UBE2E1: variants seen among roughly 807,000 people sequenced by gnomAD.
The protein encoded by UBE2E1 is ubiquitin-conjugating enzyme E2 E1.
In UBE2E1, 6 loss-of-function variants were observed where a neutral mutation model predicts 21.4. That is an observed-to-expected ratio of 0.28 (90% CI 0.15 to 0.55). The LOEUF is 0.55. Ranked by LOEUF, UBE2E1 falls within the 20% of genes least tolerant of loss-of-function variation. The probability of loss-of-function intolerance (pLI) is 0.93; values close to 1 mark genes in which losing one functional copy is unlikely to be tolerated. For synonymous variants in UBE2E1, 87 were observed against 82.7 expected (o/e 1.05, Z -0.28); for missense variants, 142 against 236.5 (o/e 0.60, Z 2.62).
At chr3:23,866,442 TC>T (rs1700659410) in intron 3 of UBE2E1, 1 of 152,270 alleles carries the variant, frequency 6.6e-6, no homozygotes. Flanking sequence ...GGATCTGAAT[TC>T]CTGGACTGTG....
intron 3 of UBE2E1, among the ~76,000 whole-genome samples, chr3:23,822,850 G>A (rs1227286523): frequency 1.1e-4 from 2 of 17,440 alleles, no homozygotes; most frequent in African/African-American, 2.1e-4. Context: ...CCCAACCCCC[G>A]CCACCGCCCT....
At chr3:23,851,499 G>A (rs544739830) in intron 3 of UBE2E1, among the ~76,000 whole-genome samples, 11 of 152,192 alleles carry the variant, frequency 7.2e-5, no homozygotes, top group African/African-American at 1.9e-4. Flanking sequence ...AGTTTGAGAA[G>A]TATTCCCATA....
intron 4 of UBE2E1, among the ~76,000 whole-genome samples, chr3:23,888,799 C>T (rs763959600): frequency 6.6e-6 from 1 of 152,148 alleles, no homozygotes; most frequent in African/African-American, 2.4e-5. Flanking sequence ...TGTAGTACTA[C>T]CAGCTAACAC....
chr3:23,872,443 T>C (rs541933601), intron 3 of UBE2E1, among the ~76,000 whole-genome samples: 1 of 152,244 alleles, frequency 6.6e-6, no homozygotes, highest in East Asian at 1.9e-4. Context: ...TTTTAATGTC[T>C]GGGAGTAAGA....
intron 3 of UBE2E1, among the ~76,000 whole-genome samples, chr3:23,830,033 G>C (rs1463709012): frequency 6.6e-6 from 1 of 152,134 alleles, no homozygotes; most frequent in Non-Finnish European, 1.5e-5. Flanking sequence ...TTTGGTTCTA[G>C]AATAATTTAA....
At chr3:23,865,601 G>A (rs1169585943) in intron 3 of UBE2E1, among the ~76,000 whole-genome samples, 3 of 152,202 alleles carry the variant, frequency 2.0e-5, no homozygotes, top group Non-Finnish European at 4.4e-5. Context: ...CAGTCTGCCT[G>A]CCTCGGACTT....
intron 3 of UBE2E1, among the ~76,000 whole-genome samples, chr3:23,824,630 A>G (rs1699716699): frequency 6.6e-6 from 1 of 152,232 alleles, no homozygotes; most frequent in South Asian, 2.1e-4. Context: ...GAGGATGGTA[A>G]CATTTACTCG....
intron 3 of UBE2E1, among the ~76,000 whole-genome samples, chr3:23,818,124 A>T (rs1699567676): frequency 1.3e-5 from 2 of 152,204 alleles, no homozygotes; most frequent in Non-Finnish European, 2.9e-5. Flanking sequence ...TTCGATATGG[A>T]GGACTTGAAA....
chr3:23,882,805 C>CA (rs2125327654), intron 3 of UBE2E1, among the ~76,000 whole-genome samples: 1 of 152,332 alleles, frequency 6.6e-6, no homozygotes, highest in South Asian at 2.1e-4. Context: ...TGCCTGGGGC[C>CA]AGTGGCGCCG....
rs1330209229 is a variant in UBE2E1, at chr3:23,816,927, C to T, written c.203+5417C>T. Among the ~76,000 whole-genome samples the T allele has an allele frequency of 5.3e-5, 8 of 151,948 alleles. No individual in the cohort carries two copies. Among genetic ancestry groups the T allele is most frequent in the Admixed American group, 2.6e-4 (4 of 15,268 alleles). On this transcript the variant is annotated intron_variant, in intron 3 of 5. Transcript: ENST00000306627. This position sits in a 1 kb window ranked among gnomAD's most constrained non-coding sequence, Gnocchi z 4.8. ...GTTTTGGAAATAATGGTGATGGTTG[C>T]GCAATATTGTGAATGTAATTAATGC...
intron 3 of UBE2E1, among the ~76,000 whole-genome samples, chr3:23,847,686 G>A (rs751750188): frequency 2.0e-5 from 3 of 151,584 alleles, no homozygotes; most frequent in Admixed American, 6.6e-5. Flanking sequence ...TATTAGAGAC[G>A]GGGTTTCACC....
At position 23,870,832 on chromosome 3, in the gene UBE2E1, C is replaced by A. The variant is rs1296427878; in HGVS notation, c.204-16735C>A. ...AGGCAGAGGACCCTGCGGCCTTCCG[C>A]AGTGTTTGTGTCCCTGGGTACTTGA... On this transcript the variant is annotated intron_variant, in intron 3 of 5. Coordinates refer to ENST00000306627, the MANE Select transcript of UBE2E1 (RefSeq NM_003341.5). The surrounding 1 kb of genome is among the most constrained non-coding windows in gnomAD (Gnocchi z 4.2). 1.3e-5 allele frequency among the ~76,000 whole-genome samples: 2 copies of A among 151,952 alleles called. No individual in the cohort carries two copies. The highest frequency in any genetic ancestry group is 4.8e-5 in the African/African-American group (2 of 41,384).
rs780534779 is a variant in UBE2E1, at chr3:23,807,262, G to A, written c.-8G>A. On this transcript the variant is annotated 5_prime_UTR_variant, in exon 2 of 6. Transcript: ENST00000306627. ...GGGCTGTTTGCGGGGTGGGGTGGGGGGTTCGCTATGTCGGATGACGATTCG... is the reference window on the plus strand; with the variant it reads ...GGGCTGTTTGCGGGGTGGGGTGGGGAGTTCGCTATGTCGGATGACGATTCG... 1.9e-6 allele frequency: 3 copies of A among 1,610,522 alleles called. No individual in the cohort carries two copies. Among genetic ancestry groups the A allele is most frequent in the Non-Finnish European group, 2.5e-6 (3 of 1,178,706 alleles).
chr3:23,878,470 G>T (rs868359275), intron 3 of UBE2E1, among the ~76,000 whole-genome samples: 1 of 152,180 alleles, frequency 6.6e-6, no homozygotes, highest in Non-Finnish European at 1.5e-5. Flanking sequence ...CACAGACCCC[G>T]TACTGGTCCC....
rs1279626688 is a variant in UBE2E1 at position 23,823,333 on chromosome 3, A to G, written c.203+11823A>G. 6.6e-6 allele frequency among the ~76,000 whole-genome samples: 1 copy of G among 152,250 alleles called. No individual in the cohort carries two copies. Among genetic ancestry groups the G allele is most frequent in the Non-Finnish European group, 1.5e-5 (1 of 68,042 alleles). On this transcript the variant is annotated intron_variant, in intron 3 of 5. Transcript: ENST00000306627. The surrounding 1 kb of genome is among the most constrained non-coding windows in gnomAD (Gnocchi z 4.2). ...TGATAATTGAGGGTAGAATTAAGAA[A>G]GTTTTAGGATTAGGAATCATTCTTC...
rs191270667 is a variant in UBE2E1 at position 23,823,601 on chromosome 3, A to C, written c.203+12091A>C. The stretch of plus-strand genomic sequence containing the variant: ...AATTTATTTCTTAGCAGACTTTGCT[A>C]CAACACATTTATCCTAAATAAAAGG... On this transcript the variant is annotated intron_variant, in intron 3 of 5. Transcript: ENST00000306627. This position sits in a 1 kb window ranked among gnomAD's most constrained non-coding sequence, Gnocchi z 4.2. Among the ~76,000 whole-genome samples the C allele has an allele frequency of 1.3e-5, 2 of 152,236 alleles. No homozygotes were observed. The highest frequency in any genetic ancestry group is 4.8e-5 in the African/African-American group (2 of 41,458).
intron 3 of UBE2E1, among the ~76,000 whole-genome samples, chr3:23,818,382 A>T (rs1699572722): frequency 6.6e-6 from 1 of 152,216 alleles, no homozygotes; most frequent in South Asian, 2.1e-4. Context: ...TTTAGATTAG[A>T]TTAGACAAAT....
rs764245625 is a variant in UBE2E1 at position 23,887,530 on chromosome 3, GCCA to G, written c.204-33_204-31del. The G allele has an allele frequency of 6.3e-7, 1 of 1,585,730 alleles. No homozygotes were observed. The highest frequency in any genetic ancestry group is 8.5e-7 in the Non-Finnish European group (1 of 1,170,068). On this transcript the variant is annotated intron_variant, in intron 3 of 5. Transcript: ENST00000306627. This position sits in a 1 kb window ranked among gnomAD's most constrained non-coding sequence, Gnocchi z 4.4. ...AATACACTGTAAAAATTGGGATAGTGCCACCATCTGCTTATTTGTTGACGTATT... is the reference window on the plus strand; with the variant it reads ...AATACACTGTAAAAATTGGGATAGTGCCATCTGCTTATTTGTTGACGTATT...
rs36092258 is a variant in UBE2E1 at position 23,848,469 on chromosome 3, C to CAA, written c.203+36971_203+36972dup. 6.6e-5 allele frequency among the ~76,000 whole-genome samples: 9 copies of CAA among 136,638 alleles called. No homozygotes were observed. The South Asian group carries it at 1.8e-3, about 28-fold the overall frequency. The allele number at this position is 136,638 out of a possible 152,430, so 89.6% of individuals were successfully genotyped here. On this transcript the variant is annotated intron_variant, in intron 3 of 5. Transcript: ENST00000306627. ...TGCGTAGCAGAGTGAGACTCTGTCT[C>CAA]AAAAAAAAAAAAACAAAAAACAAAA...
Sources: allele counts gnomAD v4.1 joint callset (sites outside exome capture counted in the v4.1 genomes callset), GRCh38; gene constraint gnomAD v4.1.1; non-coding constraint Gnocchi (gnomAD v3.1); transcripts MANE v1.5; gene names NCBI Gene and HGNC (gene_info 2026-07-23, HGNC 2026-07-21).